Variants in ALK observed in about 807,000 individuals in gnomAD.
ALK encodes the protein ALK receptor tyrosine kinase.
ALK carries 74 observed loss-of-function variants against 163.1 expected under a neutral mutation model. That is an observed-to-expected ratio of 0.45 (90% CI 0.38 to 0.55). ALK has a LOEUF of 0.55. Ranked by LOEUF, ALK falls within the 20% of genes least tolerant of loss-of-function variation. The pLI, the probability that ALK is intolerant of heterozygous loss-of-function variation, is 0.00. For missense variants in ALK, 2,063 were observed against 2,105.3 expected (o/e 0.98, Z 0.39); for synonymous variants, 960 against 843.2 (o/e 1.14, Z -2.40).
chr2:29,900,821 A>G (rs982051074), intron 1 of ALK, among the ~76,000 whole-genome samples: 3 of 152,180 alleles, frequency 2.0e-5, no homozygotes, highest in Admixed American at 6.5e-5. Context: ...ACATCCCACT[A>G]TGAGAGGTAG....
intron 3 of ALK, among the ~76,000 whole-genome samples, chr2:29,551,983 A>G (rs1000686759): frequency 2.6e-5 from 4 of 152,162 alleles, no homozygotes; most frequent in African/African-American, 9.7e-5. Flanking sequence ...CATCCCAAAC[A>G]AAACCTCTGT....
chr2:29,730,007 A>G (rs1269002181), intron 1 of ALK, among the ~76,000 whole-genome samples: 3 of 152,222 alleles, frequency 2.0e-5, no homozygotes, highest in Non-Finnish European at 4.4e-5. Flanking sequence ...TGCACCCATG[A>G]GATTTGTCTG....
At chr2:29,461,689 G>A (rs1671087300) in intron 4 of ALK, among the ~76,000 whole-genome samples, 1 of 152,130 alleles carries the variant, frequency 6.6e-6, no homozygotes, top group African/African-American at 2.4e-5. Flanking sequence ...GGTTACACAA[G>A]GGCTCTGATG....
Position 29,232,332 on chromosome 2 carries a change from T to G in ALK, c.2604A>C (p.Leu868=). 6.2e-7 allele frequency: 1 copy of G among 1,614,264 alleles called. No homozygotes were observed. Among genetic ancestry groups the G allele is most frequent in the Non-Finnish European group, 8.5e-7 (1 of 1,180,052 alleles). ...PERLENNSSV[L]GLNGNSGAAG... ...CGGCTCCGGAATTGCCGTTTAGCCC[T>G]AGAACCGAGGAGTTATTCTCCAGTC... The change falls in exon 15 of 29, where the codon CTA becomes CTC. Residue 868 remains leucine (L), a synonymous_variant. Transcript: ENST00000389048.
chr2:29,905,343 T>G (rs1487095924), intron 1 of ALK, among the ~76,000 whole-genome samples: 2 of 152,242 alleles, frequency 1.3e-5, no homozygotes, highest in Non-Finnish European at 2.9e-5. Flanking sequence ...TGCCTAAATA[T>G]TTAAGCACAT....
intron 1 of ALK, among the ~76,000 whole-genome samples, chr2:29,831,110 GA>G: frequency 2.3e-5 from 1 of 42,718 alleles, no homozygotes; most frequent in Non-Finnish European, 4.2e-5. Flanking sequence ...AGGAGGAGGA[GA>G]AGAAGAAGAA....
At chr2:29,502,265 G>T (rs574733536) in intron 4 of ALK, among the ~76,000 whole-genome samples, 1 of 152,282 alleles carries the variant, frequency 6.6e-6, no homozygotes, top group Non-Finnish European at 1.5e-5. Context: ...ACCATTGCTG[G>T]CTTCTTTGGT....
chr2:29,803,245 T>C (rs1332511248), intron 1 of ALK, among the ~76,000 whole-genome samples: 1 of 152,210 alleles, frequency 6.6e-6, no homozygotes, highest in Non-Finnish European at 1.5e-5. Flanking sequence ...TCCATCAACA[T>C]GAGCTTCTGA....
chr2:29,646,471 T>G (rs1676878827), intron 3 of ALK, among the ~76,000 whole-genome samples: 1 of 152,188 alleles, frequency 6.6e-6, no homozygotes, highest in East Asian at 1.9e-4. Flanking sequence ...TGTTTTCCCT[T>G]TGCTCCAAAC....
At chr2:29,844,675 G>A (rs560509126) in intron 1 of ALK, among the ~76,000 whole-genome samples, 1 of 152,126 alleles carries the variant, frequency 6.6e-6, no homozygotes, top group East Asian at 1.9e-4. Context: ...TTCTTACTAC[G>A]TCACTTCCAT....
At chr2:29,724,751 A>G (rs1214074468) in intron 1 of ALK, among the ~76,000 whole-genome samples, 1 of 152,078 alleles carries the variant, frequency 6.6e-6, no homozygotes, top group Admixed American at 6.6e-5. Context: ...GTTTGCTTTC[A>G]CATTTTCTTC....
chr2:29,491,356 T>C (rs1049456800), intron 4 of ALK, among the ~76,000 whole-genome samples: 2 of 152,178 alleles, frequency 1.3e-5, no homozygotes, highest in Non-Finnish European at 1.5e-5. Flanking sequence ...TAAGTATGCG[T>C]TGATTGCATG....
chr2:29,392,794 G>T (rs1425722504), intron 4 of ALK, among the ~76,000 whole-genome samples: 1 of 152,164 alleles, frequency 6.6e-6, no homozygotes, highest in Non-Finnish European at 1.5e-5. Flanking sequence ...TGACTAATTT[G>T]CTTGCTGGAT....
intron 4 of ALK, among the ~76,000 whole-genome samples, chr2:29,491,476 AT>A (rs1320450447): frequency 6.6e-6 from 1 of 152,190 alleles, no homozygotes; most frequent in Non-Finnish European, 1.5e-5. Context: ...TTTTCTCCTT[AT>A]TCATCCAGCA....
chr2:29,669,275 C>T (rs987982874), intron 3 of ALK, among the ~76,000 whole-genome samples: 1 of 151,992 alleles, frequency 6.6e-6, no homozygotes, highest in Non-Finnish European at 1.5e-5. Flanking sequence ...TACTTGGGAG[C>T]TCTGATATTA....
At chr2:29,226,144 G>A (rs1468578423) in intron 18 of ALK, among the ~76,000 whole-genome samples, 1 of 152,128 alleles carries the variant, frequency 6.6e-6, no homozygotes, top group Non-Finnish European at 1.5e-5. Flanking sequence ...TGTATGAACT[G>A]CTGCAAACAA....
At chr2:29,334,877 C>T (rs1184050998) in intron 5 of ALK, among the ~76,000 whole-genome samples, 1 of 152,308 alleles carries the variant, frequency 6.6e-6, no homozygotes, top group South Asian at 2.1e-4. Context: ...AAAAACAACG[C>T]TCTGTCTTCT....
At chr2:29,636,747 C>G (rs964790543) in intron 3 of ALK, among the ~76,000 whole-genome samples, 1 of 151,954 alleles carries the variant, frequency 6.6e-6, no homozygotes, top group African/African-American at 2.4e-5. Context: ...CAAAATTCAA[C>G]AATTAAAAAT....
At chr2:29,259,448 T>C (rs1665029309) in intron 11 of ALK, among the ~76,000 whole-genome samples, 1 of 152,144 alleles carries the variant, frequency 6.6e-6, no homozygotes, top group African/African-American at 2.4e-5. Flanking sequence ...TCTGTAGTCA[T>C]TTTCGTTGTC....
Sources: allele counts gnomAD v4.1 joint callset (sites outside exome capture counted in the v4.1 genomes callset), GRCh38; gene constraint gnomAD v4.1.1; transcripts MANE v1.5; gene names NCBI Gene and HGNC (gene_info 2026-07-23, HGNC 2026-07-21).